Variants in LILRA6 observed in about 807,000 individuals in gnomAD.
LILRA6 encodes the protein leukocyte immunoglobulin like receptor A6, also known as leukocyte immunoglobulin-like receptor subfamily A member 6.
LILRA6 carries 16 observed loss-of-function variants against 53.9 expected under a neutral mutation model. The ratio of observed to expected loss-of-function variants is 0.30; its 90% CI spans 0.20 to 0.45. LILRA6 has a LOEUF of 0.45. LILRA6 is among the 20% of genes least tolerant of loss of function. The probability of loss-of-function intolerance (pLI) is 1.00; values close to 1 mark genes in which losing one functional copy is unlikely to be tolerated. For missense variants in LILRA6, 306 were observed against 618.6 expected (o/e 0.49, Z 5.36); for synonymous variants, 135 against 256.4 (o/e 0.53, Z 4.52).
chr19:54,241,864 G>T, exon 4 of LILRA6: 1 of 1,295,530 alleles, frequency 7.7e-7, no homozygotes, highest in South Asian at 1.6e-5. Context: ...GAGAGGGTGG[G>T]TTTGCTATAG....
chr19:54,242,747 G>C, exon 1 of LILRA6: 1 of 1,064,568 alleles, frequency 9.4e-7, no homozygotes, highest in South Asian at 2.1e-5. Flanking sequence ...GAGGGTGGGG[G>C]TCATGGCGTC....
Position 54,241,563 on chromosome 19 carries a change from G to A in LILRA6, c.658+13C>T, listed in dbSNP as rs370456231. On this transcript the variant is annotated intron_variant, in intron 4 of 7. Transcript: ENST00000396365. Reference sequence around the variant, plus strand: ...CCCCGAAAGTGTGTTAGACAAGGCCGTGGCTCCCTCACCTGAGGGCAGAAT... The same window carrying A: ...CCCCGAAAGTGTGTTAGACAAGGCCATGGCTCCCTCACCTGAGGGCAGAAT... The A allele has an allele frequency of 1.2e-5, 18 of 1,451,270 alleles. No individual in the cohort carries two copies. In the Admixed American group the frequency reaches 1.4e-4, roughly 11 times the overall value. The allele number at this position is 1,451,270 out of a possible 1,614,324, so 89.9% of individuals were successfully genotyped here.
At position 54,242,463 on chromosome 19, in the gene LILRA6, G is replaced by A; in HGVS notation, c.70+56C>T. The A allele has an allele frequency of 3.7e-6, 4 of 1,077,216 alleles. 2 individuals are homozygous for A. The highest frequency in any genetic ancestry group is 5.1e-6 in the Non-Finnish European group (4 of 783,710). The allele number at this position is 1,077,216 out of a possible 1,614,324, so 66.7% of individuals were successfully genotyped here. ...TGTCTCCTCCCCCAGCTGCCCATGT[G>A]TGGCCCTTGTCCCTAGTAAGGATGA... On this transcript the variant is annotated intron_variant, in intron 2 of 7. Transcript: ENST00000396365.
At chr19:54,240,936 C>A (rs562661112) in exon 5 of LILRA6, 2 of 1,613,946 alleles carry the variant, frequency 1.2e-6, no homozygotes, top group Non-Finnish European at 1.7e-6. Flanking sequence ...CTCACAGGGC[C>A]CAGGGTGAAG....
chr19:54,242,124 G>T (rs2078781661), exon 3 of LILRA6: 2 of 1,392,586 alleles, frequency 1.4e-6, no homozygotes, highest in African/African-American at 3.6e-5. Context: ...TGTTATGGAT[G>T]GGATGGAGAA....
At chr19:54,239,162 C>G in intron 7 of LILRA6, 73 bp from the exon 8 acceptor site, 1 of 1,597,296 alleles carries the variant, frequency 6.3e-7, no homozygotes, top group Admixed American at 1.7e-5. Flanking sequence ...GGATGCCCAA[C>G]CCAGGGCACC....
At chr19:54,239,864 G>A (rs1443821520) in intron 7 of LILRA6, 37 bp downstream of exon 7, 2 of 1,551,442 alleles carry the variant, frequency 1.3e-6, no homozygotes, top group Non-Finnish European at 1.7e-6. Flanking sequence ...ACTGCCCTGG[G>A]GGAGGCGGCG....
At chr19:54,241,326 C>G in intron 4 of LILRA6, 199 bp from the exon 5 acceptor site, 1 of 1,131,684 alleles carries the variant, frequency 8.8e-7, no homozygotes, top group Non-Finnish European at 1.2e-6. Context: ...CCTGATCTTT[C>G]CTCCTCTCCC....
intron 7 of LILRA6, 45 bp downstream of exon 7, chr19:54,239,856 T>C: frequency 6.4e-7 from 1 of 1,551,152 alleles, no homozygotes; most frequent in Non-Finnish European, 8.7e-7. Flanking sequence ...AGACTCAGAC[T>C]GCCCTGGGGG....
chr19:54,238,012 C>T (rs2078659082), downstream of LILRA6: 1 of 144,836 alleles, frequency 6.9e-6, no homozygotes, highest in East Asian at 2.0e-4. Flanking sequence ...AGCTGTGTGT[C>T]TCTTCTTTTT....
At chr19:54,239,149 C>T (rs1235695253) in intron 7 of LILRA6, 60 bp from the exon 8 acceptor site, 6 of 1,603,666 alleles carry the variant, frequency 3.7e-6, no homozygotes, top group Non-Finnish European at 5.1e-6. Flanking sequence ...ACCCAGGACC[C>T]CTGGATGCCC....
chr19:54,239,882 C>T lies in LILRA6; in HGVS notation c.1309+19G>A, dbSNP rs7246746. 6 of 1,494,670 alleles carry T rather than the reference C, an allele frequency of 4.0e-6. No homozygotes were observed. Among genetic ancestry groups the T allele is most frequent in the South Asian group, 2.4e-5 (2 of 82,216 alleles). 92.6% of individuals were successfully genotyped at this position (1,494,670 alleles called of 1,614,324 possible). ...GCCCTGGGGGAGGCGGCGCTCCCCACGAGGCCTCAGTGACTCACCAGGTGT... is the reference window on the plus strand; with the variant it reads ...GCCCTGGGGGAGGCGGCGCTCCCCATGAGGCCTCAGTGACTCACCAGGTGT... On this transcript the variant is annotated intron_variant, in intron 7 of 7. Coordinates refer to ENST00000396365, the Ensembl canonical transcript of LILRA6.
At chr19:54,241,037 C>G in exon 5 of LILRA6, 2 of 1,613,030 alleles carry the variant, frequency 1.2e-6, no homozygotes, top group Non-Finnish European at 1.7e-6. Flanking sequence ...TCTGTCGTAG[C>G]CGACATCAGA....
chr19:54,239,356 G>T (rs1308143905), intron 7 of LILRA6: 3 of 1,005,518 alleles, frequency 3.0e-6, no homozygotes, highest in Non-Finnish European at 4.2e-6. Context: ...TGGCTTTTAC[G>T]GAGTTCCTCA....
Position 54,240,738 on chromosome 19 carries a change from C to G in LILRA6, c.955+93G>C, listed in dbSNP as rs1343768631. On this transcript the variant is annotated intron_variant, in intron 5 of 7. Coordinates refer to ENST00000396365, the Ensembl canonical transcript of LILRA6. Reference sequence around the variant, plus strand: ...TGTCTGTCTCTCCCTCCCTTGGGACCCCCACCCCTCATCCCGGCCATCACC... The same window carrying G: ...TGTCTGTCTCTCCCTCCCTTGGGACGCCCACCCCTCATCCCGGCCATCACC... 4 of 1,592,120 alleles carry G rather than the reference C, an allele frequency of 2.5e-6. No individual in the cohort carries two copies. The African/African-American group carries it at 5.4e-5, about 21-fold the overall frequency.
At chr19:54,241,726 G>C (rs1217062426) in exon 4 of LILRA6, 1 of 1,490,526 alleles carries the variant, frequency 6.7e-7, no homozygotes, top group East Asian at 2.3e-5. Flanking sequence ...TGGAGCTGCT[G>C]TGAGTCCAGG....
exon 5 of LILRA6, chr19:54,240,923 G>C (rs1052975): frequency 0.022 from 30,657 of 1,419,934 alleles, 787 homozygotes; most frequent in East Asian, 0.16. Flanking sequence ...CCCGTGGGAG[G>C]GGCTCACAGG....
rs559560704 is a variant in LILRA6, at chr19:54,238,819, T to A, written c.*134A>T. 2.3e-5 allele frequency: 34 copies of A among 1,452,052 alleles called. 2 individuals carry two copies. The African/African-American group carries it at 4.5e-4, about 19-fold the overall frequency. 89.9% of individuals were successfully genotyped at this position (1,452,052 alleles called of 1,614,324 possible). ...CCCAAAATTTGTGATCAGACATGAT[T>A]ACCTTCCACAGTGTGTGGCCTGAAA... On this transcript the variant is annotated 3_prime_UTR_variant, in exon 8 of 8. Coordinates refer to ENST00000396365, the Ensembl canonical transcript of LILRA6.
At chr19:54,240,781 A>G in intron 5 of LILRA6, 50 bp downstream of exon 5, 1 of 1,610,282 alleles carries the variant, frequency 6.2e-7, no homozygotes, top group Middle Eastern at 2.0e-4. Flanking sequence ...CTCCCCCGGC[A>G]GGGCCTGTGC....
Sources: allele counts gnomAD v4.1 joint callset, GRCh38; gene constraint gnomAD v4.1.1; transcripts MANE v1.5; gene names NCBI Gene and HGNC (gene_info 2026-07-23, HGNC 2026-07-21).